Variants in TOX2 observed in about 807,000 individuals in gnomAD.
TOX2 encodes the protein TOX high mobility group box family member 2, also known as granulosa cell HMG box 1.
TOX2 carries 15 observed loss-of-function variants against 47.4 expected under a neutral mutation model. That is an observed-to-expected ratio of 0.32 (90% CI 0.21 to 0.49). TOX2 has a LOEUF of 0.49. Ranked by LOEUF, TOX2 falls within the 20% of genes least tolerant of loss-of-function variation. TOX2 has a pLI of 0.99. For missense variants in TOX2, 622 were observed against 673.1 expected (o/e 0.92, Z 0.84); for synonymous variants, 290 against 296.6 (o/e 0.98, Z 0.23).
At chr20:43,975,047 C>T (rs2070052029) in intron 2 of TOX2, among the ~76,000 whole-genome samples, 1 of 152,244 alleles carries the variant, frequency 6.6e-6, no homozygotes. Context: ...ACTGAAGTCT[C>T]ATCTCAGCAG....
rs866132942 is a variant in TOX2, at chr20:44,008,725, A to G, written c.411+1933A>G. Among the ~76,000 whole-genome samples the G allele has an allele frequency of 4.6e-5, 7 of 152,148 alleles. No individual in the cohort carries two copies. In the South Asian group the frequency reaches 6.2e-4, roughly 14 times the overall value. ...GTTTATTTTTGCTTTTTTTCCCTTCACATTTAATATTACGTACTAGTCATG... is the reference window on the plus strand; with the variant it reads ...GTTTATTTTTGCTTTTTTTCCCTTCGCATTTAATATTACGTACTAGTCATG... On this transcript the variant is annotated intron_variant, in intron 3 of 8. Coordinates refer to ENST00000341197, the MANE Select transcript of TOX2 (RefSeq NM_001098797.2).
intron 5 of TOX2, among the ~76,000 whole-genome samples, chr20:44,055,701 T>C (rs2071604581): frequency 1.3e-5 from 2 of 151,434 alleles, no homozygotes; most frequent in African/African-American, 4.9e-5. Context: ...GTGATCCAGG[T>C]GGGGGAAGGT....
intron 3 of TOX2, among the ~76,000 whole-genome samples, chr20:44,014,402 G>A (rs74737845): frequency 0.01 from 1,565 of 152,272 alleles, 29 homozygotes; most frequent in African/African-American, 0.035. Context: ...GGGTGTGCAC[G>A]CAGAGAGGCA....
chr20:44,066,998 T>C (rs1180844954), intron 8 of TOX2, 141 bp downstream of exon 8: 1 of 1,265,000 alleles, frequency 7.9e-7, no homozygotes, highest in Non-Finnish European at 1.1e-6. Flanking sequence ...AGGGGATCGA[T>C]ATCTCAGATG....
At chr20:44,060,826 C>G (rs1271438019) in intron 5 of TOX2, among the ~76,000 whole-genome samples, 1 of 151,978 alleles carries the variant, frequency 6.6e-6, no homozygotes, top group Non-Finnish European at 1.5e-5. Flanking sequence ...CACAAATAGA[C>G]AATGTAAGGT....
At chr20:43,951,712 T>TTTTTTTTG (rs1555832477) in intron 1 of TOX2, among the ~76,000 whole-genome samples, 4 of 118,824 alleles carry the variant, frequency 3.4e-5, no homozygotes, top group African/African-American at 9.7e-5. Context: ...ATTATGTTTT[T>TTTTTTTTG]TTTTTTTTTT....
At chr20:43,937,368 C>G (rs186066873) in intron 1 of TOX2, among the ~76,000 whole-genome samples, 1 of 152,102 alleles carries the variant, frequency 6.6e-6, no homozygotes, top group Non-Finnish European at 1.5e-5. Context: ...AACCTTCCCA[C>G]GGGCAGCTCC....
chr20:44,008,002 T>C (rs189509123), intron 3 of TOX2, among the ~76,000 whole-genome samples: 9 of 152,238 alleles, frequency 5.9e-5, no homozygotes, highest in African/African-American at 1.9e-4. Flanking sequence ...GGGTGATTAC[T>C]GAGTTAAAGT....
intron 1 of TOX2, among the ~76,000 whole-genome samples, chr20:43,957,547 T>C (rs2069688225): frequency 6.7e-6 from 1 of 150,346 alleles, no homozygotes; most frequent in Non-Finnish European, 1.5e-5. Flanking sequence ...ACATGTTACC[T>C]GGCATAAAGT....
intron 2 of TOX2, among the ~76,000 whole-genome samples, chr20:44,002,732 G>C (rs559128042): frequency 7.9e-5 from 12 of 152,302 alleles, no homozygotes; most frequent in African/African-American, 2.2e-4. Context: ...GAAGGTGAAG[G>C]GGGGAGCAGG....
intron 6 of TOX2, among the ~76,000 whole-genome samples, chr20:44,065,254 C>T (rs1418515668): frequency 2.0e-5 from 3 of 152,202 alleles, no homozygotes; most frequent in Non-Finnish European, 2.9e-5. Context: ...TCTGTCAACA[C>T]CAGCAACGTA....
chr20:44,054,328 C>T lies in TOX2; in HGVS notation c.681C>T (p.Asp227=), dbSNP rs1352359887. The T allele has an allele frequency of 6.2e-7, 1 of 1,612,024 alleles. No individual in the cohort carries two copies. The highest frequency in any genetic ancestry group is 1.7e-5 in the Admixed American group (1 of 59,626). ...CGGGAGAAAAGAGACCTTCAGCCGACCCAGGAAAAAAGGCCAAGAACCCGA... is the reference window on the plus strand; with the variant it reads ...CGGGAGAAAAGAGACCTTCAGCCGATCCAGGAAAAAAGGCCAAGAACCCGA... ...KISGEKRPSA[D]PGKKAKNPKK... Residue 227 remains aspartate, a synonymous_variant, in exon 5 of 9, where the codon GAC becomes GAT. Coordinates refer to ENST00000341197, the MANE Select transcript of TOX2 (RefSeq NM_001098797.2).
chr20:44,048,117 G>A (rs1011210588), intron 3 of TOX2, among the ~76,000 whole-genome samples: 2 of 151,986 alleles, frequency 1.3e-5, no homozygotes, highest in African/African-American at 4.8e-5. Context: ...TACTCAGGAG[G>A]CTGAGGCAGA....
chr20:43,917,936 C>T (rs1313644263), intron 1 of TOX2, among the ~76,000 whole-genome samples: 5 of 152,150 alleles, frequency 3.3e-5, no homozygotes, highest in Admixed American at 2.6e-4. Flanking sequence ...ATGCTGGGAA[C>T]CATTGGTCTC....
At chr20:43,972,072 C>A (rs1433295700) in intron 1 of TOX2, among the ~76,000 whole-genome samples, 1 of 152,162 alleles carries the variant, frequency 6.6e-6, no homozygotes. Context: ...CCACTCAGAA[C>A]CCTTTACTGA....
intron 3 of TOX2, among the ~76,000 whole-genome samples, chr20:44,036,110 G>A (rs185410093): frequency 7.9e-5 from 12 of 152,332 alleles, no homozygotes; most frequent in Non-Finnish European, 1.6e-4. Flanking sequence ...TTGCAGCTGC[G>A]AGCTGTCAGA....
intron 2 of TOX2, among the ~76,000 whole-genome samples, chr20:43,997,240 G>A (rs1165254725): frequency 6.6e-6 from 1 of 152,068 alleles, no homozygotes; most frequent in Admixed American, 6.6e-5. Flanking sequence ...ACTAATAAAA[G>A]GAACACTTCA....
At chr20:43,929,009 A>C (rs902058540) in intron 1 of TOX2, among the ~76,000 whole-genome samples, 31 of 150,654 alleles carry the variant, frequency 2.1e-4, no homozygotes, top group South Asian at 4.2e-4. Context: ...ACAACAACAA[A>C]AAAACTGGGC....
intron 3 of TOX2, among the ~76,000 whole-genome samples, chr20:44,029,164 C>T (rs2071110625): frequency 6.6e-6 from 1 of 152,264 alleles, no homozygotes; most frequent in Non-Finnish European, 1.5e-5. Context: ...TCCAGCTCCG[C>T]TTCCATCACA....
Sources: allele counts gnomAD v4.1 joint callset (sites outside exome capture counted in the v4.1 genomes callset), GRCh38; gene constraint gnomAD v4.1.1; transcripts MANE v1.5; gene names NCBI Gene and HGNC (gene_info 2026-07-23, HGNC 2026-07-21).